Variants in WWOX observed in about 807,000 individuals in gnomAD.
WWOX encodes the protein WW domain-containing oxidoreductase.
In WWOX, 69 loss-of-function variants were observed where a neutral mutation model predicts 46.2. The observed-to-expected ratio is 1.49, with a 90% CI of 1.23 to 1.82. The LOEUF (loss-of-function observed/expected upper bound fraction) is 1.82, where lower values mean the gene tolerates loss of function less well. WWOX is among the 40% of genes most tolerant of loss of function. The pLI is 0.00. For synonymous variants in WWOX, 359 were observed against 202.6 expected, an observed-to-expected ratio of 1.77 and a Z score of -6.56; for missense variants, 919 against 542.6, an observed-to-expected ratio of 1.69 and a Z score of -6.89.
At chr16:78,106,560 G>T (rs1241269369) in intron 1 of WWOX, among the ~76,000 whole-genome samples, 1 of 151,844 alleles carries the variant, frequency 6.6e-6, no homozygotes, top group Non-Finnish European at 1.5e-5. Flanking sequence ...GGGATTACAG[G>T]CATGTGCCAC....
intron 6 of WWOX, among the ~76,000 whole-genome samples, chr16:78,409,052 C>T (rs1319120288): frequency 2.0e-5 from 3 of 152,180 alleles, no homozygotes; most frequent in Non-Finnish European, 4.4e-5. Context: ...GCTTATAGCT[C>T]TTGAAGTCAC....
intron 8 of WWOX, among the ~76,000 whole-genome samples, chr16:78,519,282 A>G (rs577688700): frequency 6.6e-6 from 1 of 152,282 alleles, no homozygotes; most frequent in Admixed American, 6.5e-5. Context: ...TGAGGGCCAC[A>G]GAGCTTGCTC....
intron 8 of WWOX, among the ~76,000 whole-genome samples, chr16:79,138,921 G>C (rs1159604319): frequency 6.6e-6 from 1 of 152,124 alleles, no homozygotes; most frequent in Non-Finnish European, 1.5e-5. Context: ...AGGAGAATTC[G>C]ACCAGGGTAA....
At chr16:78,364,897 C>G (rs552395433) in intron 5 of WWOX, among the ~76,000 whole-genome samples, 12 of 152,052 alleles carry the variant, frequency 7.9e-5, no homozygotes, top group Non-Finnish European at 1.6e-4. Context: ...TGTCTTTATC[C>G]CATTCTGTCT....
intron 4 of WWOX, among the ~76,000 whole-genome samples, chr16:78,156,166 A>G (rs1004188718): frequency 2.2e-4 from 34 of 152,206 alleles, no homozygotes; most frequent in African/African-American, 8.2e-4. Flanking sequence ...ACAGTCAGGA[A>G]TTCTCTAAAG....
At chr16:78,331,293 A>G (rs757068013) in intron 5 of WWOX, among the ~76,000 whole-genome samples, 4 of 152,222 alleles carry the variant, frequency 2.6e-5, no homozygotes, top group African/African-American at 7.2e-5. Context: ...GATTTTCAAA[A>G]TGATAGTTAA....
intron 8 of WWOX, among the ~76,000 whole-genome samples, chr16:78,752,814 C>T (rs1365275176): frequency 2.0e-5 from 3 of 152,186 alleles, no homozygotes; most frequent in Non-Finnish European, 2.9e-5. Context: ...ACTTAAATGG[C>T]CTGGCGAGCC....
chr16:78,978,455 C>G (rs545550735), intron 8 of WWOX, among the ~76,000 whole-genome samples: 3 of 152,236 alleles, frequency 2.0e-5, no homozygotes, highest in Admixed American at 6.5e-5. Context: ...TTCCCACCAG[C>G]GAAGTGCAGG....
At chr16:78,433,035 T>C (rs1371200783) in intron 8 of WWOX, among the ~76,000 whole-genome samples, 1 of 152,178 alleles carries the variant, frequency 6.6e-6, no homozygotes, top group East Asian at 1.9e-4. Flanking sequence ...TGTTTGGTTT[T>C]GTTTTTTTTG....
intron 8 of WWOX, among the ~76,000 whole-genome samples, chr16:78,911,748 C>G (rs1159673395): frequency 1.3e-5 from 2 of 152,040 alleles, no homozygotes; most frequent in African/African-American, 4.8e-5. Flanking sequence ...TACCTGTAAT[C>G]TCAGCTACTC....
chr16:78,597,307 C>T lies in WWOX; in HGVS notation c.1056+164555C>T, dbSNP rs548070802. On this transcript the variant is annotated intron_variant, in intron 8 of 8. Transcript: ENST00000566780. ...CAATCAATTAAACGGATACTATTAG[C>T]ACCTACTGTGTGCCGGGCACTGTAC... 3.3e-5 allele frequency among the ~76,000 whole-genome samples: 5 copies of T among 152,260 alleles called. No homozygotes were observed. In the East Asian group the frequency reaches 9.7e-4, roughly 29 times the overall value.
chr16:78,991,577 G>C (rs544349410), intron 8 of WWOX, among the ~76,000 whole-genome samples: 8 of 122,016 alleles, frequency 6.6e-5, no homozygotes, highest in Admixed American at 2.1e-4. Flanking sequence ...CTCCAGACTG[G>C]GAGACACAGC....
chr16:78,825,052 A>G (rs2051611120), intron 8 of WWOX, among the ~76,000 whole-genome samples: 1 of 152,156 alleles, frequency 6.6e-6, no homozygotes, highest in Non-Finnish European at 1.5e-5. Context: ...CTACAAGGCT[A>G]GGGGAAAATG....
chr16:78,346,280 T>C (rs1644236974), intron 5 of WWOX, among the ~76,000 whole-genome samples: 1 of 121,572 alleles, frequency 8.2e-6, no homozygotes, highest in Non-Finnish European at 2.0e-5. Flanking sequence ...CCTAATTACC[T>C]GCTGATAGAC....
At chr16:78,781,951 C>T (rs896220927) in intron 8 of WWOX, among the ~76,000 whole-genome samples, 2 of 152,194 alleles carry the variant, frequency 1.3e-5, no homozygotes, top group African/African-American at 4.8e-5. Flanking sequence ...TTATTCTCTT[C>T]ATTCTCCAAG....
chr16:78,375,991 C>G (rs1178119694), intron 5 of WWOX, among the ~76,000 whole-genome samples: 1 of 151,902 alleles, frequency 6.6e-6, no homozygotes, highest in Non-Finnish European at 1.5e-5. Context: ...GCGGGGACTA[C>G]CAGCGCATGT....
intron 8 of WWOX, among the ~76,000 whole-genome samples, chr16:78,923,742 C>T (rs116446435): frequency 1.6e-4 from 22 of 137,098 alleles, no homozygotes; most frequent in Admixed American, 4.2e-4. Context: ...AAAGGATTCA[C>T]AAGTTTCACA....
rs549924884 is a variant in WWOX, at chr16:78,825,944, TCAGAA to T, written c.1057-385658_1057-385654del. On this transcript the variant is annotated intron_variant, in intron 8 of 8. Transcript: ENST00000566780. ...TGAGGTAGTGCCCACCACTCCCATC[TCAGAA>T]CAGAAGGGTGGGAAGCCAGAGCCGC... The T allele has an allele frequency of 3.7e-4, 299 of 810,952 alleles. 1 individual carries two copies. The African/African-American group carries it at 4.8e-3, about 13-fold the overall frequency. 50.2% of individuals were successfully genotyped at this position (810,952 alleles called of 1,614,324 possible).
intron 8 of WWOX, among the ~76,000 whole-genome samples, chr16:78,882,876 G>C (rs2044373239): frequency 1.3e-5 from 2 of 151,806 alleles, no homozygotes; most frequent in African/African-American, 2.4e-5. Context: ...CTTCCTGAGT[G>C]TCTGCTTGGT....
Sources: allele counts gnomAD v4.1 joint callset (sites outside exome capture counted in the v4.1 genomes callset), GRCh38; gene constraint gnomAD v4.1.1; transcripts MANE v1.5; gene names NCBI Gene and HGNC (gene_info 2026-07-23, HGNC 2026-07-21).